The following PPEF1 variants were observed in gnomAD, a reference collection of about 807,000 sequenced individuals.
PPEF1 encodes the protein serine/threonine-protein phosphatase with EF-hands 1.
In PPEF1, 12 loss-of-function variants were observed where a neutral mutation model predicts 53.3. That is an observed-to-expected ratio of 0.23 (90% CI 0.14 to 0.36). The LOEUF (loss-of-function observed/expected upper bound fraction) is 0.36, where lower values mean the gene tolerates loss of function less well. Among genes scored for constraint, PPEF1 ranks in the 10% least tolerant of loss-of-function variants. The pLI is 1.00. For synonymous variants in PPEF1, 165 were observed against 176.7 expected (o/e 0.93, Z 0.52); for missense variants, 334 against 490.4 (o/e 0.68, Z 3.01).
At chrX:18,770,415 T>C (rs1204579634) in intron 6 of PPEF1, among the ~76,000 whole-genome samples, 1 of 111,764 alleles carries the variant, frequency 8.9e-6, no homozygotes, top group East Asian at 2.8e-4. Flanking sequence ...GGCTTAACAC[T>C]GAAAGGAGTT....
chrX:18,728,203 CTA>C (rs1196740044), intron 1 of PPEF1, among the ~76,000 whole-genome samples: 1 of 108,186 alleles, frequency 9.2e-6, no homozygotes, highest in Admixed American at 1.0e-4. Flanking sequence ...CTCTCTCTCT[CTA>C]TATATATATC....
At chrX:18,716,303 C>A (rs143972539) in intron 1 of PPEF1, among the ~76,000 whole-genome samples, 3 of 110,458 alleles carry the variant, frequency 2.7e-5, no homozygotes, top group Admixed American at 1.9e-4. Flanking sequence ...GAGGCCGAGG[C>A]GGGTGAATCA....
At chrX:18,691,886 C>A (rs769827762) in intron 4 of PPEF1, among the ~76,000 whole-genome samples, 99 of 111,898 alleles carry the variant, frequency 8.8e-4, no homozygotes, top group Non-Finnish European at 1.6e-3. Context: ...ATGGACTATA[C>A]GGTAATCAAG....
At chrX:18,695,675 A>G (rs1178864064) in intron 4 of PPEF1, among the ~76,000 whole-genome samples, 1 of 112,446 alleles carries the variant, frequency 8.9e-6, no homozygotes, top group African/African-American at 3.2e-5. Flanking sequence ...TAATTTAAGG[A>G]ATTTCTTTAA....
chrX:18,783,959 A>G lies in PPEF1; in HGVS notation c.823A>G (p.Thr275Ala), dbSNP rs2046148156. The part of the protein sequence containing the change: ...EEFYAWLPIG[T>A]IVDNEILVIH... ...ATTCTATGCCTGGCTCCCAATCGGTACAATCGTTGACAATGAAATCCTGGT... is the reference window on the plus strand; with the variant it reads ...ATTCTATGCCTGGCTCCCAATCGGTGCAATCGTTGACAATGAAATCCTGGT... Residue 275 changes from threonine (T) to alanine (A), a missense_variant, in exon 9 of 16, where the codon ACA becomes GCA. Physicochemically the swap from Thr to Ala is moderately conservative, Grantham distance 58. Transcript: ENST00000470157. The G allele has an allele frequency of 8.3e-7, 1 of 1,204,951 alleles. No individual in the cohort carries two copies. Among genetic ancestry groups the G allele is most frequent in the Non-Finnish European group, 1.1e-6 (1 of 891,376 alleles).
At chrX:18,730,732 G>A (rs778583152) in intron 2 of PPEF1, among the ~76,000 whole-genome samples, 46 of 101,021 alleles carry the variant, frequency 4.6e-4, no homozygotes, top group African/African-American at 4.4e-4. Context: ...TTTTTTCTTC[G>A]AGACGGGATT....
intron 1 of PPEF1, among the ~76,000 whole-genome samples, chrX:18,723,183 C>T (rs1434047636): frequency 2.7e-5 from 3 of 110,768 alleles, no homozygotes; most frequent in Non-Finnish European, 5.7e-5. Context: ...CGAGGTTTTG[C>T]CTTGTTGGCC....
intron 12 of PPEF1, among the ~76,000 whole-genome samples, chrX:18,816,504 C>A (rs1237631159): frequency 1.8e-5 from 2 of 111,661 alleles, no homozygotes; most frequent in Admixed American, 9.6e-5. Flanking sequence ...GAATGTAATT[C>A]TCTTGTTGTT....
upstream of PPEF1, among the ~76,000 whole-genome samples, chrX:18,706,082 A>T (rs1057491856): frequency 2.8e-5 from 3 of 108,515 alleles, no homozygotes; most frequent in Non-Finnish European, 3.8e-5. Flanking sequence ...AGCCTCGGCA[A>T]CATAGGGAGA....
At chrX:18,793,684 C>G (rs756119469) in intron 10 of PPEF1, among the ~76,000 whole-genome samples, 3 of 100,327 alleles carry the variant, frequency 3.0e-5, no homozygotes, top group East Asian at 3.4e-4. Context: ...CTGCTTCCCC[C>G]CTCCGCTCCC....
chrX:18,745,988 A>G (rs1415760916), intron 3 of PPEF1, among the ~76,000 whole-genome samples: 2 of 112,099 alleles, frequency 1.8e-5, no homozygotes, highest in Non-Finnish European at 3.8e-5. Flanking sequence ...TTGTTGTATA[A>G]AAATTTATGG....
intron 12 of PPEF1, among the ~76,000 whole-genome samples, chrX:18,813,360 C>T (rs1198607730): frequency 4.5e-5 from 4 of 88,144 alleles, no homozygotes; most frequent in African/African-American, 1.4e-4. Flanking sequence ...GCCTGGGCCA[C>T]GGAGCAAGAC....
intron 13 of PPEF1, among the ~76,000 whole-genome samples, chrX:18,822,903 T>A (rs1051107380): frequency 9.0e-6 from 1 of 111,327 alleles, no homozygotes; most frequent in African/African-American, 3.3e-5. Context: ...TATCTAAAAG[T>A]CATGTGGAAT....
chrX:18,675,325 C>T (rs941923013), upstream of PPEF1, among the ~76,000 whole-genome samples: 1 of 113,762 alleles, frequency 8.8e-6, no homozygotes, highest in South Asian at 3.5e-4. Context: ...CCGCGAGGGC[C>T]CCGCGCCTTC....
intron 13 of PPEF1, among the ~76,000 whole-genome samples, chrX:18,823,635 A>AT (rs954518135): frequency 3.6e-5 from 4 of 109,935 alleles, no homozygotes; most frequent in African/African-American, 1.3e-4. Context: ...CTCAAAAAAA[A>AT]AAATAAATAA....
At chrX:18,747,814 A>G (rs1366633955) in intron 3 of PPEF1, among the ~76,000 whole-genome samples, 1 of 112,384 alleles carries the variant, frequency 8.9e-6, no homozygotes, top group Admixed American at 9.5e-5. Context: ...TATAACAGAA[A>G]ATAACCTTTA....
At chrX:18,714,891 G>A (rs2044419975) in intron 1 of PPEF1, among the ~76,000 whole-genome samples, 1 of 112,075 alleles carries the variant, frequency 8.9e-6, no homozygotes, top group South Asian at 3.6e-4. Context: ...AAGTCACAGA[G>A]CCAAGGCTCG....
At chrX:18,782,161 T>C (rs757973541) in intron 7 of PPEF1, among the ~76,000 whole-genome samples, 4 of 111,696 alleles carry the variant, frequency 3.6e-5, no homozygotes, top group Non-Finnish European at 7.5e-5. Context: ...TATAAGCTCC[T>C]TGAGGGTAGG....
intron 1 of PPEF1, 105 bp downstream of exon 1, chrX:18,707,931 T>C (rs1238914837): frequency 4.1e-6 from 3 of 729,836 alleles, no homozygotes. Flanking sequence ...CAAGCTGCCC[T>C]GTGTGATTTG....
Sources: gnomAD v4.1 joint callset for allele counts (sites outside exome capture counted in the v4.1 genomes callset) on GRCh38, gnomAD v4.1.1 for gene constraint, MANE v1.5 for transcripts, NCBI Gene and HGNC (gene_info 2026-07-23, HGNC 2026-07-21) for gene names.